Variants in MED14 observed in about 807,000 individuals in gnomAD.
MED14 encodes the protein mediator complex subunit 14, also known as mediator of RNA polymerase II transcription subunit 14.
Under a neutral mutation model 109.0 loss-of-function variants are expected in MED14, and 8 were observed. The observed-to-expected ratio is 0.07, with a 90% CI of 0.04 to 0.13. MED14 has a LOEUF of 0.13. Among genes scored for constraint, MED14 ranks in the 10% least tolerant of loss-of-function variants. The probability of loss-of-function intolerance (pLI) is 1.00; values close to 1 mark genes in which losing one functional copy is unlikely to be tolerated. For missense variants in MED14, 711 were observed against 1,142.4 expected (o/e 0.62, Z 5.44); for synonymous variants, 399 against 408.7 (o/e 0.98, Z 0.29).
rs1396393049 is a variant in MED14 at position 40,681,843 on chromosome X, CAG to C, written c.2457+7_2457+8del. 2.0e-6 allele frequency: 2 copies of C among 1,004,306 alleles called. No homozygotes were observed. Among genetic ancestry groups the C allele is most frequent in the African/African-American group, 3.9e-5 (2 of 50,640 alleles). 82.8% of individuals were successfully genotyped at this position (1,004,306 alleles called of 1,213,427 possible). On this transcript the variant is annotated splice_region_variant and intron_variant, in intron 19 of 30. Coordinates refer to ENST00000324817, the MANE Select transcript of MED14 (RefSeq NM_004229.4). ...AAGACAGGAACTTCAGCATTTTAAT[CAG>C]ACTTACTGAGCTTCCCTTGGTGGTT...
Position 40,729,292 on chromosome X carries a change from T to G in MED14, c.242+27A>C, listed in dbSNP as rs367974418. The G allele has an allele frequency of 7.6e-6, 9 of 1,189,737 alleles. No homozygotes were observed. In the African/African-American group the frequency reaches 1.6e-4, roughly 21 times the overall value. On this transcript the variant is annotated intron_variant, in intron 2 of 30. Transcript: ENST00000324817. ...TCATAGATTGATCAATAAAGAGACT[T>G]TAAGGGTTTTTTTTTTCCATACTCA...
chrX:40,660,617 A>G (rs775670306), intron 26 of MED14, among the ~76,000 whole-genome samples: 132 of 111,208 alleles, frequency 1.2e-3, no homozygotes, highest in African/African-American at 3.1e-3. Flanking sequence ...TGGTAAGGAC[A>G]TAGCACCAGG....
chrX:40,674,342 ATCTAG>A (rs1213643587), intron 22 of MED14, among the ~76,000 whole-genome samples: 3 of 112,153 alleles, frequency 2.7e-5, no homozygotes, highest in Admixed American at 1.9e-4. Context: ...TCTAGTAAGA[ATCTAG>A]TACTTTTTCA....
chrX:40,724,986 A>G (rs1413316883), intron 3 of MED14, among the ~76,000 whole-genome samples: 1 of 110,903 alleles, frequency 9.0e-6, no homozygotes, highest in African/African-American at 3.3e-5. Flanking sequence ...AAACATTACA[A>G]CTAATACCAC....
chrX:40,682,790 A>G (rs1032170724), intron 17 of MED14, 41 bp from the exon 18 acceptor site: 9 of 1,206,249 alleles, frequency 7.5e-6, no homozygotes, highest in African/African-American at 1.8e-5. Flanking sequence ...ATCGATACCA[A>G]AAAAATCCAG....
At chrX:40,653,652 C>G (rs1034437042) in intron 30 of MED14, among the ~76,000 whole-genome samples, 2 of 112,009 alleles carry the variant, frequency 1.8e-5, no homozygotes, top group African/African-American at 6.5e-5. Context: ...GAAAAGTTCT[C>G]TTTGCTGAGC....
Position 40,664,478 on chromosome X carries a change from G to A in MED14, c.3277C>T (p.Pro1093Ser). The change falls in exon 25 of 31, where the codon CCT (proline) becomes TCT (serine). Residue 1093 changes from proline to serine, a missense_variant. By Grantham distance (74) the Pro-to-Ser change is moderately conservative. Around this residue, in one of 8 missense-constraint regions of MED14, gnomAD observed 100 missense variants for 147.5 expected, o/e 0.68. Coordinates refer to ENST00000324817, the MANE Select transcript of MED14 (RefSeq NM_004229.4). ...SFASPHGTLD[P>S]SSPYTMVSPS... Reference sequence around the variant, plus strand: ...GACACCATAGTGTATGGGGAACTAGGGTCAAGAGTTCCTATAAAAAAGGTA... The same window carrying A: ...GACACCATAGTGTATGGGGAACTAGAGTCAAGAGTTCCTATAAAAAAGGTA... The A allele has an allele frequency of 1.9e-6, 2 of 1,074,330 alleles. No homozygotes were observed. Among genetic ancestry groups the A allele is most frequent in the Non-Finnish European group, 1.2e-6 (1 of 824,918 alleles). The allele number at this position is 1,074,330 out of a possible 1,213,427, so 88.5% of individuals were successfully genotyped here.
Sources: allele counts gnomAD v4.1 joint callset (sites outside exome capture counted in the v4.1 genomes callset), GRCh38; gene constraint gnomAD v4.1.1; regional missense constraint gnomAD v4.1.1; transcripts MANE v1.5; gene names NCBI Gene and HGNC (gene_info 2026-07-23, HGNC 2026-07-21).